Variants in SNX29 observed in about 807,000 individuals in gnomAD.
The protein encoded by SNX29 is sorting nexin-29.
A neutral mutation model predicts 102.1 loss-of-function variants in SNX29; 78 were observed. That is an observed-to-expected ratio of 0.76 (90% CI 0.64 to 0.92). SNX29 has a LOEUF of 0.92. Among genes scored for constraint, SNX29 ranks in the 40% least tolerant of loss-of-function variants. The probability of loss-of-function intolerance (pLI) is 0.00; values close to 1 mark genes in which losing one functional copy is unlikely to be tolerated. For synonymous variants in SNX29, 580 were observed against 414.5 expected (o/e 1.40, Z -4.85); for missense variants, 1,280 against 1,061.7 (o/e 1.21, Z -2.86).
Position 12,346,109 on chromosome 16 carries a change from C to T in SNX29, c.1783-10054C>T, listed in dbSNP as rs115783007. 2.8e-3 allele frequency among the ~76,000 whole-genome samples: 424 copies of T among 151,164 alleles called. 5 individuals are homozygous for T. The highest frequency in any genetic ancestry group is 9.8e-3 in the African/African-American group (400 of 40,612). On this transcript the variant is annotated intron_variant, in intron 15 of 20. Coordinates refer to ENST00000566228, the MANE Select transcript of SNX29 (RefSeq NM_032167.5). ...TTTTAAGCAGTAAAGGGGTGTGATC[C>T]TGGGTTTTAGAAAGATCATTTGAGC...
chr16:12,205,735 A>G (rs1311480602), intron 14 of SNX29, among the ~76,000 whole-genome samples: 1 of 152,118 alleles, frequency 6.6e-6, no homozygotes, highest in Non-Finnish European at 1.5e-5. Flanking sequence ...CACAGCACTT[A>G]TCAGGCCCTC....
chr16:12,478,797 T>G (rs2087774677), intron 19 of SNX29, among the ~76,000 whole-genome samples: 1 of 152,218 alleles, frequency 6.6e-6, no homozygotes, highest in Non-Finnish European at 1.5e-5. Flanking sequence ...ATCCCCATTC[T>G]GATTGAATCG....
intron 20 of SNX29, among the ~76,000 whole-genome samples, chr16:12,562,113 TCTC>T (rs756640026): frequency 1.2e-4 from 19 of 152,144 alleles, no homozygotes; most frequent in Non-Finnish European, 1.0e-4. Flanking sequence ...GGCCGTTCAC[TCTC>T]CTGTGTGACC....
Position 12,407,214 on chromosome 16 carries a change from G to A in SNX29, c.2037+3685G>A, listed in dbSNP as rs146158657. ...TCATGGCTTCCAGCTCCTTGGAAGA[G>A]GAAGTCTCTGTGTCACTCTCTTACC... On this transcript the variant is annotated intron_variant, in intron 18 of 20. Transcript: ENST00000566228. Among the ~76,000 whole-genome samples the A allele has an allele frequency of 6.3e-3, 964 of 152,346 alleles. 6 individuals carry two copies. Among genetic ancestry groups the A allele is most frequent in the Non-Finnish European group, 0.011 (733 of 68,032 alleles).
intron 16 of SNX29, among the ~76,000 whole-genome samples, chr16:12,361,540 C>T (rs1427846534): frequency 6.6e-6 from 1 of 152,006 alleles, no homozygotes; most frequent in Non-Finnish European, 1.5e-5. Context: ...CTCACGTGGC[C>T]TAATAGTAAT....
At chr16:12,464,172 A>T (rs986593836) in intron 18 of SNX29, among the ~76,000 whole-genome samples, 1 of 151,252 alleles carries the variant, frequency 6.6e-6, no homozygotes, top group African/African-American at 2.4e-5. Context: ...AGGTTTATCC[A>T]TGTTGTCACA....
chr16:12,452,972 T>A (rs2086372771), intron 18 of SNX29, among the ~76,000 whole-genome samples: 1 of 152,178 alleles, frequency 6.6e-6, no homozygotes, highest in African/African-American at 2.4e-5. Flanking sequence ...TCGTCTTGGC[T>A]AGTTGCTAGG....
chr16:12,280,875 C>T (rs377430987), intron 15 of SNX29, among the ~76,000 whole-genome samples: 1 of 152,124 alleles, frequency 6.6e-6, no homozygotes, highest in East Asian at 1.9e-4. Flanking sequence ...CTTTCCGTGT[C>T]AGAAGGGCAA....
Position 12,069,148 on chromosome 16 carries a change from C to A in SNX29, c.1319+16C>A. On this transcript the variant is annotated intron_variant, in intron 10 of 20. Coordinates refer to ENST00000566228, the MANE Select transcript of SNX29 (RefSeq NM_032167.5). ...TTCGGTACAGGTTAATATTGAGAAACCCAGTTGCCTGTGGCATTAAAACAT... is the reference window on the plus strand; with the variant it reads ...TTCGGTACAGGTTAATATTGAGAAAACCAGTTGCCTGTGGCATTAAAACAT... The A allele has an allele frequency of 6.3e-7, 1 of 1,599,108 alleles. No homozygotes were observed. Among genetic ancestry groups the A allele is most frequent in the Non-Finnish European group, 8.6e-7 (1 of 1,169,240 alleles).
At chr16:12,269,663 T>G (rs1596698015) in intron 14 of SNX29, among the ~76,000 whole-genome samples, 1 of 152,310 alleles carries the variant, frequency 6.6e-6, no homozygotes. Flanking sequence ...ACTCAGAATA[T>G]GGGCAGAAAT....
At chr16:12,466,872 C>G (rs555704809) in intron 18 of SNX29, among the ~76,000 whole-genome samples, 2 of 152,274 alleles carry the variant, frequency 1.3e-5, no homozygotes, top group East Asian at 3.9e-4. Context: ...TCCATGAGTC[C>G]TCTAACAGAG....
At chr16:12,239,215 C>T (rs1424311304) in intron 14 of SNX29, among the ~76,000 whole-genome samples, 1 of 152,146 alleles carries the variant, frequency 6.6e-6, no homozygotes, top group African/African-American at 2.4e-5. Flanking sequence ...AGAGGTAGTG[C>T]TGGAGGTAGC....
chr16:12,511,243 T>A (rs951046184), intron 19 of SNX29, among the ~76,000 whole-genome samples: 2 of 152,144 alleles, frequency 1.3e-5, no homozygotes, highest in African/African-American at 4.8e-5. Flanking sequence ...AATGCATGGG[T>A]CTTAAGAGGC....
At chr16:12,020,626 ATTTT>A (rs764756318) in intron 3 of SNX29, among the ~76,000 whole-genome samples, 1 of 140,610 alleles carries the variant, frequency 7.1e-6, no homozygotes, top group Non-Finnish European at 1.6e-5. Context: ...CTCATGGCTC[ATTTT>A]TTTTTTTTTT....
chr16:11,990,405 C>T (rs1265483872), intron 1 of SNX29, among the ~76,000 whole-genome samples: 1 of 152,094 alleles, frequency 6.6e-6, no homozygotes, highest in Non-Finnish European at 1.5e-5. Context: ...CCTTGCCAGC[C>T]CAACCCGCTC....
chr16:12,078,782 T>C, intron 10 of SNX29, 51 bp from the exon 11 acceptor site: 7 of 1,478,062 alleles, frequency 4.7e-6, no homozygotes, highest in Non-Finnish European at 5.6e-6. Flanking sequence ...ATGGTGAGGG[T>C]GTGTACTTTC....
chr16:12,003,717 TA>T (rs1187378862), intron 3 of SNX29, among the ~76,000 whole-genome samples: 1 of 152,204 alleles, frequency 6.6e-6, no homozygotes, highest in Non-Finnish European at 1.5e-5. Context: ...AAATAATTCC[TA>T]AAAATGGGCC....
chr16:12,136,843 A>ATG (rs2054682135), intron 13 of SNX29, among the ~76,000 whole-genome samples: 2 of 152,156 alleles, frequency 1.3e-5, no homozygotes, highest in African/African-American at 2.4e-5. Flanking sequence ...GGGTTCAAGC[A>ATG]ATTCTCCTGC....
rs1249417149 is a variant in SNX29, at chr16:12,573,150, C to G, written c.*4521C>G. 1 of 226,482 alleles carries G rather than the reference C, an allele frequency of 4.4e-6. No homozygotes were observed. The highest frequency in any genetic ancestry group is 6.4e-5 in the East Asian group (1 of 15,618). 14.0% of individuals were successfully genotyped at this position (226,482 alleles called of 1,614,324 possible). Reference sequence around the variant, plus strand: ...TCTTGTTTCCAAAATAAAGCTTCAGCTCCTTGGTCAATAGAAGTAAGGGTG... The same window carrying G: ...TCTTGTTTCCAAAATAAAGCTTCAGGTCCTTGGTCAATAGAAGTAAGGGTG... On this transcript the variant is annotated 3_prime_UTR_variant, in exon 21 of 21. Coordinates refer to ENST00000566228, the MANE Select transcript of SNX29 (RefSeq NM_032167.5).
Sources: allele counts gnomAD v4.1 joint callset (sites outside exome capture counted in the v4.1 genomes callset), GRCh38; gene constraint gnomAD v4.1.1; transcripts MANE v1.5; gene names NCBI Gene and HGNC (gene_info 2026-07-23, HGNC 2026-07-21).